TBX2: variants seen among roughly 807,000 people sequenced by gnomAD.
TBX2 encodes the protein T-box transcription factor TBX2.
Under a neutral mutation model 48.4 loss-of-function variants are expected in TBX2, and 19 were observed. The observed-to-expected ratio is 0.39, with a 90% confidence interval of 0.27 to 0.58. The LOEUF (loss-of-function observed/expected upper bound fraction) is 0.58. Ranked by LOEUF, TBX2 falls within the 20% of genes least tolerant of loss-of-function variation. The pLI is 0.54. For synonymous variants in TBX2, 522 were observed against 459.7 expected (o/e 1.14, Z -1.73); for missense variants, 994 against 1,006.5 (o/e 0.99, Z 0.17).
In TBX2 at chr17:61,405,088, C is replaced by T. The variant is rs1376577471; in HGVS notation, c.1052-114C>T. The T allele has an allele frequency of 3.3e-6, 5 of 1,507,904 alleles. No individual in the cohort carries two copies. The Admixed American group carries it at 1.0e-4, about 31-fold the overall frequency. The allele number at this position is 1,507,904 out of a possible 1,614,324, so 93.4% of individuals were successfully genotyped here. A position where few individuals can be genotyped will look rare whatever the true frequency, so the allele number is the denominator to read the frequency against. Reference sequence around the variant, plus strand: ...TGACCTGCAGCTGCCCTTTGCCCGACTCCAGCAGCTCCTCCGACTCGGCCT... The same window carrying T: ...TGACCTGCAGCTGCCCTTTGCCCGATTCCAGCAGCTCCTCCGACTCGGCCT... On this transcript the variant is annotated intron_variant, in intron 5 of 6. Coordinates refer to ENST00000240328, the MANE Select transcript of TBX2 (RefSeq NM_005994.4).
rs1039567651 is a variant in TBX2, at chr17:61,404,778, C to T, written c.1051+9C>T. The T allele has an allele frequency of 1.9e-6, 3 of 1,542,538 alleles. No individual in the cohort carries two copies. Among genetic ancestry groups the T allele is most frequent in the African/African-American group, 1.4e-5 (1 of 73,032 alleles). On this transcript the variant is annotated intron_variant, in intron 5 of 6. Transcript: ENST00000240328. ...CCTGCACCGGGCCCGAGGTGAGGGT[C>T]GGACCGGAGGAGGGACAGGGAGGTG...
Position 61,405,239 on chromosome 17 carries a change from G to T in TBX2, c.1089G>T (p.Glu363Asp), listed in dbSNP as rs1192851196. 6.4e-7 allele frequency: 1 copy of T among 1,569,704 alleles called. No individual in the cohort carries two copies. ...CGTGCGCCGCGGACAGCGACCCGGAGCCTGAGCGGTTGAGCGAGGAGCGTG... is the reference window on the plus strand; with the variant it reads ...CGTGCGCCGCGGACAGCGACCCGGATCCTGAGCGGTTGAGCGAGGAGCGTG... ...EKSCAADSDP[E>D]PERLSEERAG... The change falls in exon 6 of 7, where the codon GAG becomes GAT. Residue 363 changes from glutamate to aspartate, a missense_variant. Around this residue, in one of 5 missense-constraint regions of TBX2, gnomAD observed 639 missense variants for 613.2 expected, o/e 1.04. Transcript: ENST00000240328.
rs1177730387 is a variant in TBX2, at chr17:61,405,337, C to T, written c.1187C>T (p.Ala396Val). Residue 396 changes from alanine to valine, a missense_variant, in exon 6 of 7, where the codon GCC becomes GTC. This residue lies in a region of TBX2 where 639 missense variants were observed against 613.2 expected (regional missense o/e 1.04). Coordinates refer to ENST00000240328, the MANE Select transcript of TBX2 (RefSeq NM_005994.4). ...ACTCGCTTGACCGAACCCGAGCGCG[C>T]CCGGGAGCGGCGTAGTCCCGAGAGG... is the stretch of plus-strand genomic sequence containing the variant. ...SPTRLTEPER[A>V]RERRSPERGK... The T allele has an allele frequency of 1.3e-6, 2 of 1,546,004 alleles. No individual in the cohort carries two copies. Among genetic ancestry groups the T allele is most frequent in the Non-Finnish European group, 1.7e-6 (2 of 1,152,416 alleles).
chr17:61,402,738 TTTTTTTGTTTTG>T (rs1160685268), intron 2 of TBX2, among the ~76,000 whole-genome samples: 5 of 152,106 alleles, frequency 3.3e-5, no homozygotes, highest in South Asian at 2.1e-4. Context: ...TTTTGGTTGG[TTTTTTTGTTTTG>T]TTTTTTGTTT....
chr17:61,404,728 C>G lies in TBX2; in HGVS notation c.1010C>G (p.Pro337Arg). 1 of 1,553,670 alleles carries G rather than the reference C, an allele frequency of 6.4e-7. No homozygotes were observed. The highest frequency in any genetic ancestry group is 1.2e-5 in the South Asian group (1 of 85,172). ...PPPAREPPTS[P>R]GAAPSPLRLH... ...CCCGCGCGGGAACCACCCACCTCCCCGGGCGCAGCGCCCAGTCCGCTGCGC... is the reference window on the plus strand; with the variant it reads ...CCCGCGCGGGAACCACCCACCTCCCGGGGCGCAGCGCCCAGTCCGCTGCGC... The change falls in exon 5 of 7, where the codon CCG (proline) becomes CGG (arginine). Residue 337 changes from proline (P) to arginine (R), a missense_variant. By Grantham distance (103) the Pro-to-Arg change is moderately radical. Coordinates refer to ENST00000240328, the MANE Select transcript of TBX2 (RefSeq NM_005994.4).
In TBX2 at chr17:61,406,306, T is replaced by G; in HGVS notation, c.1686+470T>G. 6.5e-6 allele frequency: 1 copy of G among 153,982 alleles called. No homozygotes were observed. The highest frequency in any genetic ancestry group is 1.4e-5 in the Non-Finnish European group (1 of 69,268). The allele number at this position is 153,982 out of a possible 1,614,324, so 9.5% of individuals were successfully genotyped here. ...AGGGAGAAGGAACATTTGCATTATT[T>G]TCTGGACAGTTGACCACCAGCCCTC... On this transcript the variant is annotated intron_variant, in intron 6 of 6. Transcript: ENST00000240328. The surrounding 1 kb of genome is among the most constrained non-coding windows in gnomAD (Gnocchi z 5.7).
In TBX2 at chr17:61,408,821, G is replaced by A. The variant is rs1247813879; in HGVS notation, c.*315G>A. The A allele has an allele frequency of 6.7e-6, 2 of 296,530 alleles. No individual in the cohort carries two copies. Among genetic ancestry groups the A allele is most frequent in the South Asian group, 1.4e-4 (1 of 6,966 alleles). 18.4% of individuals were successfully genotyped at this position (296,530 alleles called of 1,614,324 possible). A position where few individuals can be genotyped will look rare whatever the true frequency, so the allele number is the denominator to read the frequency against. Reference sequence around the variant, plus strand: ...GGAGAGGCCTCATCCAGGGCCCAGCGGTCCCTGCAGAAGCCAGAAGGTGCA... The same window carrying A: ...GGAGAGGCCTCATCCAGGGCCCAGCAGTCCCTGCAGAAGCCAGAAGGTGCA... On this transcript the variant is annotated 3_prime_UTR_variant, in exon 7 of 7. Coordinates refer to ENST00000240328, the MANE Select transcript of TBX2 (RefSeq NM_005994.4).
rs2079429408 is a variant in TBX2, at chr17:61,408,419, G to A, written c.2052G>A (p.Ala684=). 8.4e-6 allele frequency: 13 copies of A among 1,540,400 alleles called. No homozygotes were observed. The highest frequency in any genetic ancestry group is 1.7e-4 in the Middle Eastern group (1 of 5,878). Residue 684 remains alanine (A), a synonymous_variant, in exon 7 of 7, where the codon GCG becomes GCA. Transcript: ENST00000240328. The part of the protein sequence containing the change: ...ALSPSGSAKE[A]ANELQSIQRL... ...CGCCCAGTGGCTCGGCCAAGGAGGC[G>A]GCCAATGAACTGCAGAGCATCCAGA...
At chr17:61,401,987 C>A in intron 2 of TBX2, 36 bp downstream of exon 2, 1 of 1,551,144 alleles carries the variant, frequency 6.4e-7, no homozygotes, top group African/African-American at 1.4e-5. Context: ...GGTGCAGGAG[C>A]TTGTTGACCC....
chr17:61,404,535 C>T lies in TBX2; in HGVS notation c.887+38C>T, dbSNP rs1007931752. ...GGACAGCAGCCCTGTGGCGGGTGCC[C>T]GCGGGAGCAGCGAGCAGGAGGGATG... On this transcript the variant is annotated intron_variant, in intron 4 of 6. Coordinates refer to ENST00000240328, the MANE Select transcript of TBX2 (RefSeq NM_005994.4). 13 of 1,588,908 alleles carry T rather than the reference C, an allele frequency of 8.2e-6. No homozygotes were observed. The African/African-American group carries it at 1.6e-4, about 20-fold the overall frequency.
chr17:61,407,679 G>A (rs1454922472), intron 6 of TBX2: 1 of 207,748 alleles, frequency 4.8e-6, no homozygotes, highest in African/African-American at 2.3e-5. Context: ...TCAATGAGCA[G>A]AACCTCCAAG....
Position 61,405,356 on chromosome 17 carries a change from C to T in TBX2, c.1206C>T (p.Pro402=). 6.5e-7 allele frequency: 1 copy of T among 1,546,896 alleles called. No individual in the cohort carries two copies. Among genetic ancestry groups the T allele is most frequent in the Non-Finnish European group, 8.7e-7 (1 of 1,151,924 alleles). Residue 402 remains proline (P), a synonymous_variant, in exon 6 of 7, where the codon CCC becomes CCT. Coordinates refer to ENST00000240328, the MANE Select transcript of TBX2 (RefSeq NM_005994.4). ...AGCGCGCCCGGGAGCGGCGTAGTCC[C>T]GAGAGGGGCAAGGAGCCGGCCGAGA... ...EPERARERRS[P]ERGKEPAESG...
chr17:61,404,852 C>G, intron 5 of TBX2, 83 bp downstream of exon 5: 1 of 1,511,174 alleles, frequency 6.6e-7, no homozygotes, highest in Non-Finnish European at 8.9e-7. Flanking sequence ...CTGAGCCACC[C>G]GCTAACCTGA....
intron 5 of TBX2, 140 bp from the exon 6 acceptor site, chr17:61,405,062 G>A (rs1399384356): frequency 1.6e-5 from 24 of 1,493,716 alleles, no homozygotes; most frequent in Non-Finnish European, 1.9e-5. Flanking sequence ...CTTGGATTAG[G>A]TGACCTGCAG....
intron 1 of TBX2, 42 bp from the exon 2 acceptor site, chr17:61,401,642 C>T (rs765117325): frequency 1.3e-6 from 2 of 1,582,232 alleles, no homozygotes; most frequent in African/African-American, 2.7e-5. Context: ...GAACCTAGAA[C>T]AGCCGGTTCC....
chr17:61,404,601 C>T lies in TBX2; in HGVS notation c.888-5C>T. On this transcript the variant is annotated splice_polypyrimidine_tract_variant and splice_region_variant and intron_variant, in intron 4 of 6. Transcript: ENST00000240328. ...CGCTGACCTGGTTCATCCGCTCATC[C>T]CCAGGAAGCAGCTGACGCTGCCGTC... 6.3e-7 allele frequency: 1 copy of T among 1,585,450 alleles called. No homozygotes were observed. Among genetic ancestry groups the T allele is most frequent in the Non-Finnish European group, 8.6e-7 (1 of 1,163,774 alleles).
rs2060277152 is a variant in TBX2 at position 61,403,970 on chromosome 17, G to T, written c.811-451G>T. ...GAGGCATGTGAATTCGTTTGGTTCC[G>T]TAGGCGTTTGTTATGTCTGTGCACA... On this transcript the variant is annotated intron_variant, in intron 3 of 6. Coordinates refer to ENST00000240328, the MANE Select transcript of TBX2 (RefSeq NM_005994.4). The surrounding 1 kb of genome is among the most constrained non-coding windows in gnomAD (Gnocchi z 5.8). 6.6e-6 allele frequency among the ~76,000 whole-genome samples: 1 copy of T among 152,182 alleles called. No homozygotes were observed. Among genetic ancestry groups the T allele is most frequent in the Admixed American group, 6.5e-5 (1 of 15,278 alleles).
rs2060298750 is a variant in TBX2 at position 61,408,794 on chromosome 17, TG to T, written c.*291del. ...AGGTGTCTCTGGTCTTCCAGCGAGG[TG>T]GGAGAGGCCTCATCCAGGGCCCAGC... On this transcript the variant is annotated 3_prime_UTR_variant, in exon 7 of 7. Transcript: ENST00000240328. 5.7e-6 allele frequency: 2 copies of T among 348,434 alleles called. No individual in the cohort carries two copies. Among genetic ancestry groups the T allele is most frequent in the Non-Finnish European group, 1.0e-5 (2 of 195,624 alleles). 21.6% of individuals were successfully genotyped at this position (348,434 alleles called of 1,614,324 possible). A position where few individuals can be genotyped will look rare whatever the true frequency, so the allele number is the denominator to read the frequency against.
intron 2 of TBX2, among the ~76,000 whole-genome samples, chr17:61,402,218 C>T (rs549649269): frequency 9.8e-5 from 15 of 152,298 alleles, no homozygotes; most frequent in East Asian, 3.9e-4. Flanking sequence ...GTCCCTTGTA[C>T]CGTCAATAGG....
Sources: gnomAD v4.1 joint callset for allele counts (sites outside exome capture counted in the v4.1 genomes callset) on GRCh38, gnomAD v4.1.1 for gene constraint, gnomAD v4.1.1 regional missense constraint, Gnocchi (gnomAD v3.1) non-coding constraint, MANE v1.5 for transcripts, NCBI Gene and HGNC (gene_info 2026-07-23, HGNC 2026-07-21) for gene names.